EXOC6B: variants seen among roughly 807,000 people sequenced by gnomAD.
EXOC6B encodes the protein SEC15 homolog B.
Under a neutral mutation model 113.5 loss-of-function variants are expected in EXOC6B, and 54 were observed. The observed-to-expected ratio is 0.48, with a 90% CI of 0.38 to 0.60. The LOEUF is 0.60. Ranked by LOEUF, EXOC6B falls within the 20% of genes least tolerant of loss-of-function variation. The probability of loss-of-function intolerance (pLI) is 0.00; values close to 1 mark genes in which losing one functional copy is unlikely to be tolerated. For synonymous variants in EXOC6B, 357 were observed against 339.0 expected (o/e 1.05, Z -0.58); for missense variants, 797 against 977.5 (o/e 0.82, Z 2.46).
chr2:72,693,389 G>C (rs976480736), intron 6 of EXOC6B, among the ~76,000 whole-genome samples: 1 of 151,948 alleles, frequency 6.6e-6, no homozygotes, highest in African/African-American at 2.4e-5. Flanking sequence ...TTTAAAAGGA[G>C]TTCATAAAAG....
At chr2:72,398,651 C>G (rs988587892) in intron 18 of EXOC6B, among the ~76,000 whole-genome samples, 25 of 149,640 alleles carry the variant, frequency 1.7e-4, no homozygotes, top group Admixed American at 9.4e-4. Context: ...GAGCCAAGAT[C>G]GCGACACTGC....
chr2:72,269,318 G>T (rs1002689952), intron 20 of EXOC6B, among the ~76,000 whole-genome samples: 5 of 152,130 alleles, frequency 3.3e-5, no homozygotes, highest in Non-Finnish European at 5.9e-5. Flanking sequence ...CTGTATTTAA[G>T]GTATGGAGAA....
chr2:72,761,165 C>T (rs1682720009), intron 1 of EXOC6B, among the ~76,000 whole-genome samples: 1 of 151,758 alleles, frequency 6.6e-6, no homozygotes, highest in Non-Finnish European at 1.5e-5. Context: ...GGCTGAAGAG[C>T]AAGACTCTGT....
chr2:72,548,247 A>G (rs933256823), intron 8 of EXOC6B, among the ~76,000 whole-genome samples: 1 of 152,138 alleles, frequency 6.6e-6, no homozygotes, highest in Non-Finnish European at 1.5e-5. Flanking sequence ...GGCCCCATCT[A>G]TAAGACCATG....
intron 1 of EXOC6B, among the ~76,000 whole-genome samples, chr2:72,811,790 T>C (rs1451053454): frequency 2.6e-5 from 4 of 152,158 alleles, no homozygotes; most frequent in Non-Finnish European, 5.9e-5. Context: ...CCAGACTAAA[T>C]ATTTTAAATC....
chr2:72,252,635 T>C (rs1169198680), intron 20 of EXOC6B, among the ~76,000 whole-genome samples: 1 of 152,202 alleles, frequency 6.6e-6, no homozygotes, highest in Non-Finnish European at 1.5e-5. Flanking sequence ...ACAATGGTAA[T>C]GATAATACCT....
intron 16 of EXOC6B, among the ~76,000 whole-genome samples, chr2:72,491,600 C>T (rs936957269): frequency 3.3e-5 from 5 of 152,090 alleles, no homozygotes; most frequent in African/African-American, 4.8e-5. Context: ...GAGGTTACTA[C>T]GCAATCTTGA....
chr2:72,772,840 C>T (rs968697067), intron 1 of EXOC6B, among the ~76,000 whole-genome samples: 1 of 152,096 alleles, frequency 6.6e-6, no homozygotes, highest in Admixed American at 6.5e-5. Context: ...TCTTCAAATG[C>T]ACAACTACCA....
At chr2:72,200,593 T>C (rs1679432612) in intron 20 of EXOC6B, among the ~76,000 whole-genome samples, 1 of 152,316 alleles carries the variant, frequency 6.6e-6, no homozygotes, top group East Asian at 1.9e-4. Flanking sequence ...TGTAGAGAAC[T>C]GTACTATTAT....
chr2:72,490,349 C>G (rs1699671704), intron 16 of EXOC6B, among the ~76,000 whole-genome samples: 1 of 152,102 alleles, frequency 6.6e-6, no homozygotes, highest in South Asian at 2.1e-4. Context: ...CAGCCTGCTT[C>G]AAATGTTACT....
At chr2:72,212,703 T>C (rs78681427) in intron 20 of EXOC6B, among the ~76,000 whole-genome samples, 4,428 of 152,312 alleles carry the variant, frequency 0.029, 190 homozygotes, top group African/African-American at 0.099. Flanking sequence ...TTCAGGAATG[T>C]ATGGAGAGTG....
chr2:72,242,721 A>T (rs1010979611), intron 20 of EXOC6B, among the ~76,000 whole-genome samples: 12 of 152,170 alleles, frequency 7.9e-5, no homozygotes, highest in Admixed American at 6.5e-4. Context: ...AGACCCAATT[A>T]TATGTTATAT....
intron 6 of EXOC6B, among the ~76,000 whole-genome samples, chr2:72,687,148 A>G (rs1397332367): frequency 1.3e-5 from 2 of 152,098 alleles, no homozygotes; most frequent in Non-Finnish European, 2.9e-5. Context: ...AAAAAAAAAA[A>G]AAAACCTTTG....
chr2:72,442,208 A>G (rs955885087), intron 18 of EXOC6B, among the ~76,000 whole-genome samples: 3 of 152,214 alleles, frequency 2.0e-5, no homozygotes, highest in African/African-American at 4.8e-5. Context: ...ACATCCATTC[A>G]TGTTAAAAAC....
chr2:72,368,002 G>A (rs1292139453), intron 19 of EXOC6B, among the ~76,000 whole-genome samples: 1 of 152,132 alleles, frequency 6.6e-6, no homozygotes, highest in Non-Finnish European at 1.5e-5. Context: ...GCAACTCTTA[G>A]TGTTGGGCTG....
chr2:72,486,352 G>A (rs1455926043), intron 16 of EXOC6B, among the ~76,000 whole-genome samples: 1 of 150,318 alleles, frequency 6.7e-6, no homozygotes, highest in African/African-American at 2.5e-5. Flanking sequence ...CTGAGAGACA[G>A]AATGAGACTC....
rs183832670 is a variant in EXOC6B at position 72,387,829 on chromosome 2, T to C, written c.1981-7959A>G. Among the ~76,000 whole-genome samples, 32 of 152,328 alleles carry C rather than the reference T, an allele frequency of 2.1e-4. No individual in the cohort carries two copies. The East Asian group carries it at 5.8e-3, about 28-fold the overall frequency. ...TTTACTATTTCATTAATTTCTGCTC[T>C]TATATTTATTATTTCCTTTTTCCTA... On this transcript the variant is annotated intron_variant, in intron 18 of 21. Coordinates refer to ENST00000272427, the MANE Select transcript of EXOC6B (RefSeq NM_015189.3).
chr2:72,344,452 CT>C (rs1165888281), intron 19 of EXOC6B, among the ~76,000 whole-genome samples: 153 of 145,184 alleles, frequency 1.1e-3, no homozygotes, highest in Non-Finnish European at 9.0e-4. Flanking sequence ...TGTTGATTTA[CT>C]TTTTTTTTTT....
At chr2:72,351,014 CA>C (rs546797160) in intron 19 of EXOC6B, among the ~76,000 whole-genome samples, 499 of 152,144 alleles carry the variant, frequency 3.3e-3, no homozygotes, top group Non-Finnish European at 5.3e-3. Flanking sequence ...ATTGTCTGGG[CA>C]GGGGATCATG....
Sources: allele counts gnomAD v4.1 joint callset (sites outside exome capture counted in the v4.1 genomes callset), GRCh38; gene constraint gnomAD v4.1.1; transcripts MANE v1.5; gene names NCBI Gene and HGNC (gene_info 2026-07-23, HGNC 2026-07-21).